Variants in FANCI observed in about 807,000 individuals in gnomAD.
The protein encoded by FANCI is Fanconi anemia group I protein.
A neutral mutation model predicts 176.1 loss-of-function variants in FANCI; 156 were observed. The observed-to-expected ratio is 0.89, with a 90% confidence interval of 0.78 to 1.01. The LOEUF is 1.01. Ranked by LOEUF, FANCI falls within the 50% of genes least tolerant of loss-of-function variation. The probability of loss-of-function intolerance (pLI) is 0.00; values close to 1 mark genes in which losing one functional copy is unlikely to be tolerated. For missense variants in FANCI, 1,678 were observed against 1,534.1 expected (o/e 1.09, Z -1.57); for synonymous variants, 613 against 541.7 (o/e 1.13, Z -1.83).
intron 34 of FANCI, among the ~76,000 whole-genome samples, 168 bp from the exon 35 acceptor site, chr15:89,312,736 C>G (rs2055015883): frequency 6.6e-6 from 1 of 151,576 alleles, no homozygotes; most frequent in East Asian, 1.9e-4. Context: ...ACAAGAATCA[C>G]TTAACTCGGG....
intron 1 of FANCI, among the ~76,000 whole-genome samples, chr15:89,247,084 TTTAAGAGACAGGGTC>T (rs1454433617): frequency 6.6e-6 from 1 of 151,394 alleles, no homozygotes; most frequent in Non-Finnish European, 1.5e-5. Context: ...TTTTTTTTTT[TTTAAGAGACAGGGTC>T]TTACCTTGTT....
intron 37 of FANCI, 44 bp downstream of exon 37, chr15:89,315,433 T>C: frequency 3.0e-6 from 4 of 1,353,402 alleles, no homozygotes; most frequent in South Asian, 2.3e-5. Flanking sequence ...TCTTCCTAGC[T>C]GGTTAGCAGC....
intron 3 of FANCI, among the ~76,000 whole-genome samples, chr15:89,260,147 T>G (rs2052655283): frequency 6.6e-6 from 1 of 152,168 alleles, no homozygotes; most frequent in African/African-American, 2.4e-5. Context: ...TGATTTATTT[T>G]CATCACTTTT....
intron 2 of FANCI, among the ~76,000 whole-genome samples, chr15:89,253,654 A>G (rs1468946980): frequency 3.3e-5 from 5 of 152,158 alleles, no homozygotes; most frequent in Admixed American, 6.5e-5. Flanking sequence ...AAGTTTGTCT[A>G]CATATAAGTT....
chr15:89,260,711 A>C lies in FANCI; in HGVS notation c.158-2A>C. Reference sequence around the variant, plus strand: ...TCTGAACCCCCTGTTTAAAACAATAAGGTTCCCCCTGCTCTGAGGAAGCTG... The same window carrying C: ...TCTGAACCCCCTGTTTAAAACAATACGGTTCCCCCTGCTCTGAGGAAGCTG... On this transcript the variant is annotated splice_acceptor_variant, in intron 3 of 37. Coordinates refer to ENST00000310775, the MANE Select transcript of FANCI (RefSeq NM_001113378.2). LOFTEE classifies it high-confidence loss of function. The C allele has an allele frequency of 3.7e-6, 6 of 1,613,534 alleles. No homozygotes were observed. The highest frequency in any genetic ancestry group is 5.1e-6 in the Non-Finnish European group (6 of 1,179,662).
At position 89,295,025 on chromosome 15, in the gene FANCI, CAG is replaced by C. The variant is rs1385885533; in HGVS notation, c.2568_2569del (p.Gly857AlafsTer6). ...CAGAAAGTACAGCAGCTAAAGGAAA[CAG>C]GGCATGTGAGTGGCCCTGATGGCCA... On this transcript the variant is annotated frameshift_variant, in exon 24 of 38. Coordinates refer to ENST00000310775, the MANE Select transcript of FANCI (RefSeq NM_001113378.2). LOFTEE classifies it high-confidence loss of function. 1.3e-6 allele frequency: 2 copies of C among 1,552,232 alleles called. No homozygotes were observed. Among genetic ancestry groups the C allele is most frequent in the East Asian group, 2.4e-5 (1 of 40,920 alleles).
chr15:89,277,648 G>T (rs2053460997), intron 13 of FANCI, among the ~76,000 whole-genome samples: 1 of 150,572 alleles, frequency 6.6e-6, no homozygotes, highest in African/African-American at 2.4e-5. Context: ...ATACTTATTG[G>T]TTCATTGTTT....
At chr15:89,253,423 A>C (rs992292465) in intron 2 of FANCI, among the ~76,000 whole-genome samples, 25 of 152,246 alleles carry the variant, frequency 1.6e-4, no homozygotes, top group African/African-American at 5.8e-4. Context: ...CTGAGGTGGG[A>C]AGATCGCTTG....
intron 13 of FANCI, 150 bp from the exon 14 acceptor site, chr15:89,278,537 G>A: frequency 1.5e-6 from 1 of 667,542 alleles, no homozygotes; most frequent in Non-Finnish European, 2.7e-6. Flanking sequence ...AAAGTTGAGT[G>A]ATTCTGTCTT....
At chr15:89,316,279 G>A in intron 37 of FANCI, 118 bp from the exon 38 acceptor site, 2 of 1,042,548 alleles carry the variant, frequency 1.9e-6, no homozygotes, top group South Asian at 1.4e-5. Context: ...GGAAAGTGGG[G>A]AAAGCATGAC....
chr15:89,300,095 G>A, intron 25 of FANCI, 129 bp downstream of exon 25: 2 of 1,127,236 alleles, frequency 1.8e-6, no homozygotes, highest in Non-Finnish European at 2.7e-6. Context: ...GTGACATCTA[G>A]TGGATTCAGG....
intron 27 of FANCI, 80 bp downstream of exon 27, chr15:89,301,522 A>G: frequency 1.0e-6 from 1 of 972,838 alleles, no homozygotes; most frequent in Admixed American, 1.7e-5. Flanking sequence ...GTATATCTAA[A>G]TGTCCTCTTG....
chr15:89,305,689 A>G lies in FANCI; in HGVS notation c.3340A>G (p.Thr1114Ala). Residue 1114 changes from threonine (T) to alanine (A), a missense_variant, in exon 31 of 38, where the codon ACC (threonine) becomes GCC (alanine). This residue lies in a region of FANCI where 1,204 missense variants were observed against 1,077.4 expected (regional missense o/e 1.12). Coordinates refer to ENST00000310775, the MANE Select transcript of FANCI (RefSeq NM_001113378.2). ...GCTTAAGGGACAAGTGAGCCAAGAA[A>G]CCTTATCAGGTAAGATAAGTTCAAC... ...TKLKGQVSQE[T>A]LSEEASSQAT... The G allele has an allele frequency of 6.2e-7, 1 of 1,614,142 alleles. No individual in the cohort carries two copies. Among genetic ancestry groups the G allele is most frequent in the Non-Finnish European group, 8.5e-7 (1 of 1,179,986 alleles).
At chr15:89,284,840 C>A (rs531571734) in intron 17 of FANCI, among the ~76,000 whole-genome samples, 26 of 152,248 alleles carry the variant, frequency 1.7e-4, no homozygotes, top group African/African-American at 5.3e-4. Flanking sequence ...CCTTCCTAAG[C>A]AATTGATATT....
At chr15:89,263,869 A>T in intron 7 of FANCI, 34 bp from the exon 8 acceptor site, 1 of 1,613,716 alleles carries the variant, frequency 6.2e-7, no homozygotes, top group South Asian at 1.1e-5. Context: ...GCAGTTAGAC[A>T]CTGTCTATAG....
At position 89,301,322 on chromosome 15, in the gene FANCI, T is replaced by C. The variant is rs1484594101; in HGVS notation, c.2890-4T>C. ...TGCTTGCTGTGTGTGCCTTCCTTTC[T>C]CAGAGGTCCTTGTTGAATTTACTTA... On this transcript the variant is annotated splice_polypyrimidine_tract_variant and splice_region_variant and intron_variant, in intron 26 of 37. Coordinates refer to ENST00000310775, the MANE Select transcript of FANCI (RefSeq NM_001113378.2). 2.5e-6 allele frequency: 4 copies of C among 1,605,200 alleles called. No homozygotes were observed. Among genetic ancestry groups the C allele is most frequent in the Non-Finnish European group, 2.6e-6 (3 of 1,171,918 alleles).
At chr15:89,313,964 GAT>G (rs1314249027) in intron 35 of FANCI, among the ~76,000 whole-genome samples, 4 of 129,332 alleles carry the variant, frequency 3.1e-5, no homozygotes, top group East Asian at 2.3e-4. Flanking sequence ...TAGGGGGAAA[GAT>G]ATATAATCAC....
chr15:89,287,196 A>G (rs2053853400), intron 18 of FANCI, among the ~76,000 whole-genome samples: 1 of 152,108 alleles, frequency 6.6e-6, no homozygotes, highest in African/African-American at 2.4e-5. Context: ...GATGGTCTCA[A>G]TCTCTTGACC....
chr15:89,256,066 C>CT (rs1416033546), intron 2 of FANCI, among the ~76,000 whole-genome samples: 5 of 152,150 alleles, frequency 3.3e-5, no homozygotes, highest in East Asian at 1.9e-4. Flanking sequence ...CTGGATCCAG[C>CT]TTTTTTTCCC....
Sources: allele counts gnomAD v4.1 joint callset (sites outside exome capture counted in the v4.1 genomes callset), GRCh38; gene constraint gnomAD v4.1.1; regional missense constraint gnomAD v4.1.1; transcripts MANE v1.5; gene names NCBI Gene and HGNC (gene_info 2026-07-23, HGNC 2026-07-21).